The following BCL2 variants were observed in gnomAD, a reference collection of about 807,000 sequenced individuals.
BCL2 encodes the protein BCL2 apoptosis regulator.
A neutral mutation model predicts 14.2 loss-of-function variants in BCL2; 1 was observed. The ratio of observed to expected loss-of-function variants is 0.07; its 90% CI spans 0.02 to 0.33. BCL2 has a LOEUF of 0.33. Among genes scored for constraint, BCL2 ranks in the 10% least tolerant of loss-of-function variants. BCL2 has a pLI of 0.99. For missense variants in BCL2, 247 were observed against 305.9 expected, an observed-to-expected ratio of 0.81 and a Z score of 1.44; for synonymous variants, 151 against 137.2, an observed-to-expected ratio of 1.10 and a Z score of -0.70.
At chr18:63,247,825 T>C (rs776972092) in intron 2 of BCL2, among the ~76,000 whole-genome samples, 1 of 152,178 alleles carries the variant, frequency 6.6e-6, no homozygotes, top group Non-Finnish European at 1.5e-5. Flanking sequence ...TAATCTACCA[T>C]GCCCAAGATG....
intron 2 of BCL2, among the ~76,000 whole-genome samples, chr18:63,222,664 G>A (rs1436266491): frequency 6.6e-6 from 1 of 152,138 alleles, no homozygotes; most frequent in Non-Finnish European, 1.5e-5. Context: ...ACAGCCTTGA[G>A]AAAATTAAAC....
chr18:63,127,064 A>G lies in BCL2; in HGVS notation c.*1561T>C, dbSNP rs937391028. 4.4e-6 allele frequency: 1 copy of G among 228,024 alleles called. No homozygotes were observed. Among genetic ancestry groups the G allele is most frequent in the African/African-American group, 2.2e-5 (1 of 44,964 alleles). 14.1% of individuals were successfully genotyped at this position (228,024 alleles called of 1,614,324 possible). On this transcript the variant is annotated 3_prime_UTR_variant, in exon 3 of 3. Transcript: ENST00000333681. ...TTTTTTAATGCCCCAGGATGTACAG[A>G]TAACCCCCATATTCCACACCTGGAA... is the stretch of plus-strand genomic sequence containing the variant.
intron 2 of BCL2, among the ~76,000 whole-genome samples, chr18:63,187,032 C>T (rs955524416): frequency 7.9e-5 from 12 of 152,106 alleles, no homozygotes; most frequent in African/African-American, 2.2e-4. Flanking sequence ...TAAGCATTTC[C>T]CTGTTTTTGC....
chr18:63,255,382 G>A (rs1911441547), intron 2 of BCL2, among the ~76,000 whole-genome samples: 1 of 152,098 alleles, frequency 6.6e-6, no homozygotes, highest in Admixed American at 6.6e-5. Context: ...TATGTCCCAG[G>A]GGCTCAAAAG....
intron 2 of BCL2, among the ~76,000 whole-genome samples, chr18:63,143,114 C>A (rs560392707): frequency 6.6e-6 from 1 of 152,144 alleles, no homozygotes; most frequent in Non-Finnish European, 1.5e-5. Flanking sequence ...CTGTTTACGG[C>A]GAAGGACCTC....
At chr18:63,200,191 C>T (rs1381635270) in intron 2 of BCL2, among the ~76,000 whole-genome samples, 1 of 152,206 alleles carries the variant, frequency 6.6e-6, no homozygotes, top group East Asian at 1.9e-4. Context: ...GATACCACTA[C>T]CGGTATTCTT....
chr18:63,155,104 C>G (rs1914741314), intron 2 of BCL2, among the ~76,000 whole-genome samples: 1 of 152,164 alleles, frequency 6.6e-6, no homozygotes, highest in South Asian at 2.1e-4. Context: ...AATAAGAGGA[C>G]GCTACAACAT....
At chr18:63,177,686 T>C (rs1306152722) in intron 2 of BCL2, among the ~76,000 whole-genome samples, 2 of 152,238 alleles carry the variant, frequency 1.3e-5, no homozygotes, top group African/African-American at 4.8e-5. Flanking sequence ...AAAGTTATTC[T>C]GGCAAATTGG....
intron 2 of BCL2, among the ~76,000 whole-genome samples, chr18:63,141,570 C>T (rs751266339): frequency 6.6e-6 from 1 of 152,236 alleles, no homozygotes; most frequent in Non-Finnish European, 1.5e-5. Context: ...CTGGTGACAT[C>T]AGTGTGGCTT....
At chr18:63,134,144 GA>G (rs1914146804) in intron 2 of BCL2, among the ~76,000 whole-genome samples, 1 of 152,208 alleles carries the variant, frequency 6.6e-6, no homozygotes, top group African/African-American at 2.4e-5. Context: ...GTTGAAGGCA[GA>G]AGTAGGCATG....
intron 2 of BCL2, among the ~76,000 whole-genome samples, chr18:63,151,976 T>A (rs1327684693): frequency 1.3e-5 from 2 of 152,188 alleles, no homozygotes; most frequent in African/African-American, 2.4e-5. Context: ...TAGTAGCTGC[T>A]CCTTACCTAT....
intron 2 of BCL2, among the ~76,000 whole-genome samples, chr18:63,293,168 A>G (rs1440451590): frequency 1.3e-5 from 2 of 152,228 alleles, no homozygotes. Context: ...ATAGCACACA[A>G]GCAGCTGGGA....
At chr18:63,212,109 CA>C (rs1401299282) in intron 2 of BCL2, among the ~76,000 whole-genome samples, 2 of 151,918 alleles carry the variant, frequency 1.3e-5, no homozygotes, top group Admixed American at 6.6e-5. Context: ...AGGTGGATCA[CA>C]AGGTCAGGAG....
chr18:63,276,701 T>C (rs956681475), intron 2 of BCL2, among the ~76,000 whole-genome samples: 1 of 152,232 alleles, frequency 6.6e-6, no homozygotes, highest in Non-Finnish European at 1.5e-5. Context: ...GTCATTTGAG[T>C]GGCCAATATA....
intron 2 of BCL2, among the ~76,000 whole-genome samples, chr18:63,179,129 T>C (rs943214379): frequency 1.6e-4 from 25 of 152,180 alleles, no homozygotes; most frequent in Non-Finnish European, 3.2e-4. Flanking sequence ...GAGTGCCCAA[T>C]GGCTGTTTTA....
intron 2 of BCL2, among the ~76,000 whole-genome samples, chr18:63,134,350 G>A (rs1215002977): frequency 2.0e-5 from 3 of 152,188 alleles, no homozygotes; most frequent in Admixed American, 2.0e-4. Flanking sequence ...GCTGGGAGAT[G>A]ATGTCTAGTA....
At chr18:63,276,170 C>A (rs151044574) in intron 2 of BCL2, among the ~76,000 whole-genome samples, 2 of 152,198 alleles carry the variant, frequency 1.3e-5, no homozygotes, top group Non-Finnish European at 2.9e-5. Context: ...AGCCTGGTAC[C>A]TCTGCAGCTC....
intron 2 of BCL2, among the ~76,000 whole-genome samples, chr18:63,197,818 G>C (rs1909490941): frequency 6.6e-6 from 1 of 152,164 alleles, no homozygotes; most frequent in African/African-American, 2.4e-5. Context: ...ACATTGAGGG[G>C]TGAACCTGTC....
chr18:63,309,862 G>A (rs904124775), intron 2 of BCL2, among the ~76,000 whole-genome samples: 3 of 151,940 alleles, frequency 2.0e-5, no homozygotes, highest in Non-Finnish European at 4.4e-5. Context: ...TTATTTGTTT[G>A]TTTATTTATT....
Sources: gnomAD v4.1 joint callset for allele counts (sites outside exome capture counted in the v4.1 genomes callset) on GRCh38, gnomAD v4.1.1 for gene constraint, MANE v1.5 for transcripts, NCBI Gene and HGNC (gene_info 2026-07-23, HGNC 2026-07-21) for gene names.